IQCJ: variants seen among roughly 807,000 people sequenced by gnomAD.
IQCJ encodes IQ domain-containing protein J.
In IQCJ, 9 loss-of-function variants were observed where a neutral mutation model predicts 11.0. The ratio of observed to expected loss-of-function variants is 0.82; its 90% CI spans 0.49 to 1.43. IQCJ has a LOEUF of 1.43. Ranked by LOEUF, IQCJ falls within the 40% of genes most tolerant of loss-of-function variation. IQCJ has a pLI of 0.00. For missense variants in IQCJ, 146 were observed against 133.2 expected, an observed-to-expected ratio of 1.10 and a Z score of -0.47; for synonymous variants, 55 against 51.3, an observed-to-expected ratio of 1.07 and a Z score of -0.31.
chr3:159,125,981 G>A (rs185906910), intron 1 of IQCJ, among the ~76,000 whole-genome samples: 39 of 152,344 alleles, frequency 2.6e-4, no homozygotes, highest in Non-Finnish European at 3.4e-4. Flanking sequence ...GAGGTGGCAA[G>A]TACAGCGGCT....
chr3:159,184,224 A>G (rs1723258792), intron 1 of IQCJ, among the ~76,000 whole-genome samples: 1 of 152,140 alleles, frequency 6.6e-6, no homozygotes, highest in African/African-American at 2.4e-5. Flanking sequence ...TTACTAAAAT[A>G]AGATACACTT....
intron 1 of IQCJ, among the ~76,000 whole-genome samples, chr3:159,146,981 A>G (rs775016218): frequency 1.3e-5 from 2 of 152,230 alleles, no homozygotes; most frequent in Non-Finnish European, 2.9e-5. Flanking sequence ...AACAACGGCT[A>G]TATCCCTGTT....
chr3:159,237,295 AC>A (rs1161762551), intron 1 of IQCJ, among the ~76,000 whole-genome samples: 11 of 152,232 alleles, frequency 7.2e-5, no homozygotes, highest in Admixed American at 6.5e-4. Context: ...AAAATAAAAA[AC>A]AAACCAGAAC....
In IQCJ at chr3:159,091,660, A is replaced by ACACG. The variant is rs1408564115; in HGVS notation, c.9+22222_9+22223insGCAC. Among the ~76,000 whole-genome samples the ACACG allele has an allele frequency of 2.0e-3, 112 of 56,376 alleles. 3 individuals are homozygous for ACACG. Among genetic ancestry groups the ACACG allele is most frequent in the African/African-American group, 6.0e-3 (109 of 18,042 alleles). The allele number at this position is 56,376 out of a possible 152,430, so 37.0% of individuals were successfully genotyped here. A position where few individuals can be genotyped will look rare whatever the true frequency, so the allele number is the denominator to read the frequency against. On this transcript the variant is annotated intron_variant, in intron 1 of 3. Transcript: ENST00000397832. ...TAAAGGGGTATTTACACACACACAC[A>ACACG]CACACACACGCATGCACACACACAC...
At chr3:159,101,673 A>G (rs1383238428) in intron 1 of IQCJ, among the ~76,000 whole-genome samples, 1 of 152,194 alleles carries the variant, frequency 6.6e-6, no homozygotes, top group Admixed American at 6.5e-5. Flanking sequence ...CTTTTTGGAC[A>G]TGGACTCAAG....
chr3:159,184,360 C>T (rs892954508), intron 1 of IQCJ, among the ~76,000 whole-genome samples: 1 of 152,138 alleles, frequency 6.6e-6, no homozygotes, highest in African/African-American at 2.4e-5. Context: ...CTCAGAAAAG[C>T]CTTCTCTGAT....
At chr3:159,122,575 C>A (rs1283795905) in intron 1 of IQCJ, among the ~76,000 whole-genome samples, 1 of 152,060 alleles carries the variant, frequency 6.6e-6, no homozygotes, top group Non-Finnish European at 1.5e-5. Context: ...ATATTATTTC[C>A]TTTTTTCTTC....
chr3:159,186,751 G>A (rs1723393986), intron 1 of IQCJ, among the ~76,000 whole-genome samples: 1 of 152,320 alleles, frequency 6.6e-6, no homozygotes, highest in South Asian at 2.1e-4. Context: ...TGTCTAGCAA[G>A]GTGCAGTTAA....
intron 1 of IQCJ, among the ~76,000 whole-genome samples, chr3:159,169,550 A>G (rs1211879585): frequency 6.6e-6 from 1 of 151,982 alleles, no homozygotes; most frequent in African/African-American, 2.4e-5. Flanking sequence ...TCGGCCTCCC[A>G]AAGTGCTGGG....
At chr3:159,195,397 T>C (rs1577072894) in intron 1 of IQCJ, among the ~76,000 whole-genome samples, 3 of 152,300 alleles carry the variant, frequency 2.0e-5, no homozygotes, top group East Asian at 3.9e-4. Flanking sequence ...GAAGCCCATA[T>C]TGTTTTTCAA....
intron 1 of IQCJ, among the ~76,000 whole-genome samples, chr3:159,160,852 G>T (rs1198148706): frequency 2.6e-5 from 4 of 152,090 alleles, no homozygotes; most frequent in Non-Finnish European, 4.4e-5. Flanking sequence ...TCCCTACAAA[G>T]GACATGAACT....
intron 1 of IQCJ, among the ~76,000 whole-genome samples, chr3:159,230,288 T>C (rs2108149511): frequency 6.6e-6 from 1 of 152,316 alleles, no homozygotes; most frequent in East Asian, 1.9e-4. Flanking sequence ...ATCCAATCTA[T>C]CACTGATGGG....
chr3:159,198,835 A>G (rs1431676525), intron 1 of IQCJ, among the ~76,000 whole-genome samples: 4 of 152,358 alleles, frequency 2.6e-5, no homozygotes, highest in African/African-American at 7.2e-5. Flanking sequence ...AAGTAAAAAA[A>G]GAGAGACTGA....
At chr3:159,139,315 A>G (rs1427169719) in intron 1 of IQCJ, among the ~76,000 whole-genome samples, 3 of 152,156 alleles carry the variant, frequency 2.0e-5, no homozygotes, top group Admixed American at 6.5e-5. Flanking sequence ...TAATAGAACT[A>G]TATTTGAAAA....
At position 159,142,081 on chromosome 3, in the gene IQCJ, C is replaced by G. The variant is rs553702380; in HGVS notation, c.9+72640C>G. On this transcript the variant is annotated intron_variant, in intron 1 of 3. Coordinates refer to ENST00000397832, the MANE Select transcript of IQCJ (RefSeq NM_001042706.3). ...TTCTCAGAGCCCTCACCAGTCCTGC[C>G]TCTGTAGACTAATTACGTTACTGTT... Among the ~76,000 whole-genome samples the G allele has an allele frequency of 2.6e-5, 4 of 152,324 alleles. No homozygotes were observed. In the South Asian group the frequency reaches 8.3e-4, roughly 32 times the overall value.
chr3:159,258,441 G>C (rs567490262), intron 3 of IQCJ, among the ~76,000 whole-genome samples: 2 of 152,264 alleles, frequency 1.3e-5, no homozygotes, highest in South Asian at 4.1e-4. Context: ...AGAGTTGGTG[G>C]ATCCGCAAAA....
At chr3:159,113,756 AACTAC>A (rs1718780007) in intron 1 of IQCJ, among the ~76,000 whole-genome samples, 1 of 152,218 alleles carries the variant, frequency 6.6e-6, no homozygotes. Context: ...AACTCTAATT[AACTAC>A]TGCTTACTCC....
At chr3:159,115,733 A>G (rs1718942608) in intron 1 of IQCJ, among the ~76,000 whole-genome samples, 2 of 152,178 alleles carry the variant, frequency 1.3e-5, no homozygotes, top group Admixed American at 6.5e-5. Flanking sequence ...TTAGTCTGGG[A>G]AACATAGGGA....
intron 1 of IQCJ, among the ~76,000 whole-genome samples, chr3:159,152,746 G>A (rs1408791520): frequency 6.6e-6 from 1 of 151,950 alleles, no homozygotes; most frequent in African/African-American, 2.4e-5. Flanking sequence ...TTCTAGTAAG[G>A]GAGAGAGAAA....
Sources: gnomAD v4.1 joint callset for allele counts (sites outside exome capture counted in the v4.1 genomes callset) on GRCh38, gnomAD v4.1.1 for gene constraint, MANE v1.5 for transcripts, NCBI Gene and HGNC (gene_info 2026-07-23, HGNC 2026-07-21) for gene names.